Variants in CDH13 observed in about 807,000 individuals in gnomAD.
CDH13 encodes the protein cadherin-13.
Under a neutral mutation model 63.8 loss-of-function variants are expected in CDH13, and 24 were observed. The ratio of observed to expected loss-of-function variants is 0.38; its 90% CI spans 0.27 to 0.53. The LOEUF is 0.53. CDH13 is among the 20% of genes least tolerant of loss of function. CDH13 has a pLI of 0.85. For synonymous variants in CDH13, 503 were observed against 355.3 expected (o/e 1.42, Z -4.67); for missense variants, 1,049 against 903.1 (o/e 1.16, Z -2.07).
At chr16:83,089,791 C>G (rs1366712023) in intron 3 of CDH13, among the ~76,000 whole-genome samples, 1 of 152,174 alleles carries the variant, frequency 6.6e-6, no homozygotes, top group African/African-American at 2.4e-5. Flanking sequence ...AGTTTCAGGA[C>G]TTATATAGAT....
rs1275193865 is a variant in CDH13 at position 82,951,432 on chromosome 16, C to G, written c.158-80578C>G. 2.0e-5 allele frequency among the ~76,000 whole-genome samples: 3 copies of G among 152,172 alleles called. No homozygotes were observed. In the East Asian group the frequency reaches 5.8e-4, roughly 29 times the overall value. The stretch of plus-strand genomic sequence containing the variant: ...TATTCAGCTATTGGCATGGGTAAGA[C>G]TGAAGTAGGAAAGGACTTTTCATCT... On this transcript the variant is annotated intron_variant, in intron 2 of 13. Coordinates refer to ENST00000567109, the MANE Select transcript of CDH13 (RefSeq NM_001257.5).
At chr16:82,855,371 G>A (rs1240284263) in intron 1 of CDH13, among the ~76,000 whole-genome samples, 1 of 152,168 alleles carries the variant, frequency 6.6e-6, no homozygotes, top group East Asian at 1.9e-4. Flanking sequence ...GATTCTGGGA[G>A]AAATTTCACC....
At chr16:83,596,032 T>A (rs533127932) in intron 7 of CDH13, among the ~76,000 whole-genome samples, 84 of 152,318 alleles carry the variant, frequency 5.5e-4, no homozygotes, top group South Asian at 2.1e-3. Flanking sequence ...CAAAAGCTGT[T>A]TGGAGTTGCA....
intron 2 of CDH13, among the ~76,000 whole-genome samples, chr16:82,879,600 G>A (rs938331971): frequency 1.5e-5 from 2 of 137,666 alleles, no homozygotes; most frequent in African/African-American, 5.4e-5. Context: ...ATATTTATAT[G>A]TAATTGTATA....
At chr16:82,639,419 G>T in intron 1 of CDH13, 1 of 1,535,518 alleles carries the variant, frequency 6.5e-7, no homozygotes, top group Non-Finnish European at 8.7e-7. Flanking sequence ...AGTGAGAATG[G>T]CCCACAGATG....
chr16:82,816,481 G>A (rs551896073), intron 1 of CDH13, among the ~76,000 whole-genome samples: 1 of 152,218 alleles, frequency 6.6e-6, no homozygotes, highest in Admixed American at 6.5e-5. Flanking sequence ...AGTTGGGGAG[G>A]AACAGTTGTA....
intron 4 of CDH13, among the ~76,000 whole-genome samples, chr16:83,208,867 A>G (rs1301234079): frequency 1.3e-5 from 2 of 152,208 alleles, no homozygotes; most frequent in Admixed American, 1.3e-4. Context: ...GAATTTATTT[A>G]TCTAGAAGCT....
intron 7 of CDH13, among the ~76,000 whole-genome samples, chr16:83,546,475 T>G (rs2075388349): frequency 6.6e-6 from 1 of 152,164 alleles, no homozygotes; most frequent in African/African-American, 2.4e-5. Flanking sequence ...TTGCTTCTTT[T>G]TTTTTTCTCT....
chr16:83,550,637 A>C (rs1289775324), intron 7 of CDH13, among the ~76,000 whole-genome samples: 1 of 152,196 alleles, frequency 6.6e-6, no homozygotes, highest in Non-Finnish European at 1.5e-5. Context: ...AATGCCTCTG[A>C]TGAATGTCTA....
At chr16:83,257,458 C>A (rs145073423) in intron 5 of CDH13, among the ~76,000 whole-genome samples, 1 of 152,052 alleles carries the variant, frequency 6.6e-6, no homozygotes. Flanking sequence ...TTTCTTTGTC[C>A]CACCCATCTT....
chr16:83,631,648 G>A lies in CDH13; in HGVS notation c.1101+29054G>A, dbSNP rs77341170. 3.8e-4 allele frequency among the ~76,000 whole-genome samples: 58 copies of A among 152,228 alleles called. No individual in the cohort carries two copies. In the East Asian group the frequency reaches 0.01, roughly 27 times the overall value. Reference sequence around the variant, plus strand: ...TCACTCCAGGATGCGCCAACGAGATGCTCCTTAGGAACCACGGAAGTGACA... The same window carrying A: ...TCACTCCAGGATGCGCCAACGAGATACTCCTTAGGAACCACGGAAGTGACA... On this transcript the variant is annotated intron_variant, in intron 8 of 13. Coordinates refer to ENST00000567109, the MANE Select transcript of CDH13 (RefSeq NM_001257.5).
At chr16:83,723,861 T>C (rs976382333) in intron 10 of CDH13, among the ~76,000 whole-genome samples, 1 of 151,618 alleles carries the variant, frequency 6.6e-6, no homozygotes, top group Non-Finnish European at 1.5e-5. Flanking sequence ...GATGCATAGA[T>C]CCATGGAAGA....
At chr16:82,796,080 G>A (rs537434712) in intron 1 of CDH13, among the ~76,000 whole-genome samples, 1 of 151,650 alleles carries the variant, frequency 6.6e-6, no homozygotes. Context: ...ACTGGTTCAT[G>A]TCAGGTTCCT....
intron 3 of CDH13, among the ~76,000 whole-genome samples, chr16:83,085,603 T>G (rs747422151): frequency 1.6e-4 from 24 of 152,242 alleles, no homozygotes; most frequent in Admixed American, 3.3e-4. Context: ...GACACAGCTA[T>G]GCTTAGCTGC....
chr16:83,420,181 C>G (rs1282148615), intron 6 of CDH13, among the ~76,000 whole-genome samples: 11 of 152,140 alleles, frequency 7.2e-5, no homozygotes, highest in Non-Finnish European at 1.5e-4. Flanking sequence ...AACCTTGATC[C>G]TACTCTCAAG....
intron 6 of CDH13, among the ~76,000 whole-genome samples, chr16:83,347,013 G>T (rs1359013596): frequency 6.6e-6 from 1 of 152,122 alleles, no homozygotes; most frequent in East Asian, 1.9e-4. Context: ...AGCACGCAGT[G>T]AAATAGAATC....
intron 11 of CDH13, among the ~76,000 whole-genome samples, chr16:83,774,051 C>T (rs905063599): frequency 6.6e-5 from 10 of 152,046 alleles, no homozygotes; most frequent in Non-Finnish European, 4.4e-5. Context: ...GGAGCCCAGC[C>T]CCCTGCTGTT....
chr16:83,057,032 T>C (rs2031016399), intron 3 of CDH13, among the ~76,000 whole-genome samples: 2 of 152,154 alleles, frequency 1.3e-5, no homozygotes, highest in Admixed American at 6.5e-5. Flanking sequence ...AGTGGTGCAT[T>C]CTCAGCTCAC....
rs1344944919 is a variant in CDH13, at chr16:83,580,821, C to T, written c.961-21633C>T. Reference sequence around the variant, plus strand: ...CATTTCTAGTAAGTCCATTATTTTACTTCTTTTATTTGTTCTTATTAAAGT... The same window carrying T: ...CATTTCTAGTAAGTCCATTATTTTATTTCTTTTATTTGTTCTTATTAAAGT... On this transcript the variant is annotated intron_variant, in intron 7 of 13. Coordinates refer to ENST00000567109, the MANE Select transcript of CDH13 (RefSeq NM_001257.5). Among the ~76,000 whole-genome samples the T allele has an allele frequency of 2.0e-5, 3 of 152,058 alleles. No individual in the cohort carries two copies. In the East Asian group the frequency reaches 5.8e-4, roughly 29 times the overall value.
Sources: gnomAD v4.1 joint callset for allele counts (sites outside exome capture counted in the v4.1 genomes callset) on GRCh38, gnomAD v4.1.1 for gene constraint, MANE v1.5 for transcripts, NCBI Gene and HGNC (gene_info 2026-07-23, HGNC 2026-07-21) for gene names.